The following ABLIM1 variants were observed in gnomAD, a reference collection of about 807,000 sequenced individuals.
The protein encoded by ABLIM1 is actin-binding LIM protein 1.
A neutral mutation model predicts 107.0 loss-of-function variants in ABLIM1; 40 were observed. The observed-to-expected ratio is 0.37, with a 90% confidence interval of 0.29 to 0.49. The LOEUF (loss-of-function observed/expected upper bound fraction) is 0.49. ABLIM1 is among the 20% of genes least tolerant of loss of function. The probability of loss-of-function intolerance (pLI) is 0.97; values close to 1 mark genes in which losing one functional copy is unlikely to be tolerated. For synonymous variants in ABLIM1, 357 were observed against 357.3 expected, an observed-to-expected ratio of 1.00 and a Z score of 0.01; for missense variants, 857 against 1,008.5, an observed-to-expected ratio of 0.85 and a Z score of 2.04.
chr10:114,616,339 C>T (rs2077130583), intron 1 of ABLIM1, among the ~76,000 whole-genome samples: 1 of 152,228 alleles, frequency 6.6e-6, no homozygotes, highest in Non-Finnish European at 1.5e-5. Flanking sequence ...ACATGGCTTC[C>T]AGCCTCAAAC....
intron 1 of ABLIM1, among the ~76,000 whole-genome samples, chr10:114,681,318 C>A (rs1432380028): frequency 6.6e-6 from 1 of 152,180 alleles, no homozygotes; most frequent in African/African-American, 2.4e-5. Context: ...GCCTCAGCCT[C>A]CTGAGTAGCT....
chr10:114,786,917 C>A, the ABLIM1 span, among the ~76,000 whole-genome samples: 1 of 152,026 alleles, frequency 6.6e-6, no homozygotes, highest in African/African-American at 2.4e-5. Context: ...CGGCGGCCAC[C>A]CCGTCTGGGA....
chr10:114,557,823 A>G (rs142628935), intron 4 of ABLIM1, among the ~76,000 whole-genome samples: 1 of 123,536 alleles, frequency 8.1e-6, no homozygotes, highest in East Asian at 2.5e-4. Context: ...TCAGAAAAGG[A>G]CCCTTATGAC....
the ABLIM1 span, among the ~76,000 whole-genome samples, chr10:114,789,244 G>GGTCC: frequency 2.0e-5 from 3 of 152,124 alleles, no homozygotes; most frequent in Admixed American, 2.0e-4. Context: ...GACGGAACAA[G>GGTCC]ACTCCGTCTC....
At chr10:114,658,759 C>A (rs1167892737), upstream of ABLIM1, among the ~76,000 whole-genome samples, 1 of 152,172 alleles carries the variant, frequency 6.6e-6, no homozygotes, top group Admixed American at 6.5e-5. Context: ...CATTTCCTTT[C>A]CATTTTCTAG....
intron 1 of ABLIM1, among the ~76,000 whole-genome samples, chr10:114,698,968 C>A (rs113324215): frequency 1.2e-4 from 18 of 152,048 alleles, no homozygotes; most frequent in African/African-American, 3.4e-4. Context: ...TATAACAGAT[C>A]TAGAAGCCAG....
At chr10:114,751,432 G>T (rs1006551255) in intron 1 of ABLIM1, among the ~76,000 whole-genome samples, 1 of 152,066 alleles carries the variant, frequency 6.6e-6, no homozygotes, top group South Asian at 2.1e-4. Flanking sequence ...AGAGAAAATT[G>T]GCCCTCTGTT....
At chr10:114,752,541 G>T (rs2082538518) in intron 1 of ABLIM1, among the ~76,000 whole-genome samples, 1 of 152,118 alleles carries the variant, frequency 6.6e-6, no homozygotes, top group Non-Finnish European at 1.5e-5. Context: ...CATCACCTAG[G>T]TGTTAAGCCC....
At chr10:114,710,625 CAT>C (rs1246983602) in intron 1 of ABLIM1, among the ~76,000 whole-genome samples, 1 of 152,012 alleles carries the variant, frequency 6.6e-6, no homozygotes, top group East Asian at 1.9e-4. Context: ...CTACTAAAAA[CAT>C]AAAAATTAAA....
intron 1 of ABLIM1, among the ~76,000 whole-genome samples, chr10:114,649,963 T>C (rs2079170046): frequency 1.3e-5 from 2 of 151,898 alleles, no homozygotes; most frequent in African/African-American, 2.4e-5. Flanking sequence ...TCAAGCAATT[T>C]CCCAGCCTCA....
At chr10:114,724,859 C>A (rs2081925126) in intron 1 of ABLIM1, among the ~76,000 whole-genome samples, 1 of 152,218 alleles carries the variant, frequency 6.6e-6, no homozygotes, top group Non-Finnish European at 1.5e-5. Context: ...CTGCAGGGTG[C>A]TCCTTGACCA....
At chr10:114,506,613 A>G (rs559916713) in intron 6 of ABLIM1, among the ~76,000 whole-genome samples, 12 of 152,330 alleles carry the variant, frequency 7.9e-5, no homozygotes, top group Non-Finnish European at 1.6e-4. Context: ...ATGATTAGTG[A>G]TGATGAGCAT....
chr10:114,480,579 G>C (rs1218768298), intron 8 of ABLIM1, among the ~76,000 whole-genome samples: 1 of 152,170 alleles, frequency 6.6e-6, no homozygotes, highest in Non-Finnish European at 1.5e-5. Context: ...GGTGGGGTGA[G>C]GTGAGATGAA....
intron 12 of ABLIM1, among the ~76,000 whole-genome samples, chr10:114,461,702 C>G (rs1373095343): frequency 6.6e-6 from 1 of 151,976 alleles, no homozygotes; most frequent in East Asian, 1.9e-4. Context: ...ACCTGTAATC[C>G]CAGCTACTCA....
chr10:114,667,094 G>T (rs1298462487), intron 1 of ABLIM1, among the ~76,000 whole-genome samples: 1 of 152,152 alleles, frequency 6.6e-6, no homozygotes, highest in Non-Finnish European at 1.5e-5. Context: ...CTATCAGTCT[G>T]GGATCCACAT....
intron 1 of ABLIM1, among the ~76,000 whole-genome samples, chr10:114,621,689 C>T (rs1172235867): frequency 6.6e-6 from 1 of 152,178 alleles, no homozygotes; most frequent in East Asian, 1.9e-4. Context: ...CTGGTGTCCC[C>T]TCCATTTTGC....
chr10:114,590,396 G>A (rs184686049), intron 2 of ABLIM1, among the ~76,000 whole-genome samples: 45 of 152,288 alleles, frequency 3.0e-4, no homozygotes, highest in Non-Finnish European at 5.4e-4. Flanking sequence ...ATTAATCAGC[G>A]TCTGGGTCAC....
chr10:114,674,517 C>T (rs754166683), intron 1 of ABLIM1, among the ~76,000 whole-genome samples: 13 of 152,102 alleles, frequency 8.5e-5, no homozygotes, highest in East Asian at 1.9e-4. Flanking sequence ...CTATTTACCA[C>T]GAAGTTGGGC....
chr10:114,575,230 A>G (rs1184366533), intron 3 of ABLIM1, among the ~76,000 whole-genome samples, 186 bp downstream of exon 3: 1 of 152,236 alleles, frequency 6.6e-6, no homozygotes, highest in Non-Finnish European at 1.5e-5. Flanking sequence ...TGTAGAGGAC[A>G]TCACACATAC....
Sources: allele counts gnomAD v4.1 joint callset (sites outside exome capture counted in the v4.1 genomes callset), GRCh38; gene constraint gnomAD v4.1.1; transcripts MANE v1.5; gene names NCBI Gene and HGNC (gene_info 2026-07-23, HGNC 2026-07-21).